Variants in GLYATL2 observed in about 807,000 individuals in gnomAD.
GLYATL2 encodes glycine-N-acyltransferase like 2.
GLYATL2 carries 25 observed loss-of-function variants against 21.4 expected under a neutral mutation model. The observed-to-expected ratio is 1.17, with a 90% CI of 0.85 to 1.63. The LOEUF (loss-of-function observed/expected upper bound fraction) is 1.63, where lower values mean the gene tolerates loss of function less well. GLYATL2 is among the 40% of genes most tolerant of loss of function. The pLI, the probability that GLYATL2 is intolerant of heterozygous loss-of-function variation, is 0.00. For synonymous variants in GLYATL2, 114 were observed against 118.2 expected (o/e 0.96, Z 0.23); for missense variants, 361 against 343.3 (o/e 1.05, Z -0.41).
intron 1 of GLYATL2, 88 bp downstream of exon 1, chr11:58,844,346 A>G (rs1853605025): frequency 6.6e-6 from 1 of 152,228 alleles, no homozygotes; most frequent in Admixed American, 6.5e-5. Context: ...GAAAAGAAAT[A>G]AATTAACAAA....
At chr11:58,868,886 A>G (rs1854066240) in intron 1 of GLYATL2, among the ~76,000 whole-genome samples, 1 of 149,114 alleles carries the variant, frequency 6.7e-6, no homozygotes, top group African/African-American at 2.4e-5. Context: ...GGAAATTTTT[A>G]AAGGATTTTC....
chr11:58,886,556 C>G (rs1462303964), intron 1 of GLYATL2, among the ~76,000 whole-genome samples: 1 of 152,088 alleles, frequency 6.6e-6, no homozygotes, highest in African/African-American at 2.4e-5. Context: ...GAGGATTACA[C>G]AAGGTTTAAA....
At chr11:58,869,239 A>T (rs1044567985) in intron 1 of GLYATL2, among the ~76,000 whole-genome samples, 1 of 152,120 alleles carries the variant, frequency 6.6e-6, no homozygotes, top group Non-Finnish European at 1.5e-5. Context: ...TGATAAACCG[A>T]TATTCTTTTA....
At chr11:58,850,835 C>G (rs1590722413) in intron 1 of GLYATL2, among the ~76,000 whole-genome samples, 1 of 152,162 alleles carries the variant, frequency 6.6e-6, no homozygotes, top group Admixed American at 6.5e-5. Flanking sequence ...CCACAGTTAT[C>G]TGGAGGCCTA....
At chr11:58,875,865 G>T in intron 1 of GLYATL2, among the ~76,000 whole-genome samples, 1 of 152,160 alleles carries the variant, frequency 6.6e-6, no homozygotes, top group Non-Finnish European at 1.5e-5. Context: ...AGTTCTCCTG[G>T]ATAATATCCT....
At chr11:58,897,861 G>A (rs1015447805) in intron 1 of GLYATL2, among the ~76,000 whole-genome samples, 7 of 152,154 alleles carry the variant, frequency 4.6e-5, no homozygotes, top group Non-Finnish European at 7.4e-5. Context: ...TTCTTGTATA[G>A]CCATAGATTA....
chr11:58,847,541 A>G (rs950691962), upstream of GLYATL2, among the ~76,000 whole-genome samples: 1 of 152,140 alleles, frequency 6.6e-6, no homozygotes, highest in African/African-American at 2.4e-5. Context: ...CCTTAAGAGA[A>G]CACTGGTTGG....
At chr11:58,888,754 T>C (rs916804613) in intron 1 of GLYATL2, among the ~76,000 whole-genome samples, 4 of 151,994 alleles carry the variant, frequency 2.6e-5, no homozygotes, top group Non-Finnish European at 5.9e-5. Context: ...ATGCAATATA[T>C]GTACATTATG....
chr11:58,871,172 T>G (rs76297697), intron 1 of GLYATL2, among the ~76,000 whole-genome samples: 36 of 152,298 alleles, frequency 2.4e-4, no homozygotes, highest in African/African-American at 8.7e-4. Context: ...TCAACAGATG[T>G]CAAACAGGCC....
chr11:58,885,679 C>A (rs1243439801), intron 1 of GLYATL2: 2 of 236,688 alleles, frequency 8.4e-6, no homozygotes, highest in Non-Finnish European at 1.7e-5. Context: ...GTACTTGGCA[C>A]CTTGCATGAG....
chr11:58,866,377 C>G (rs574148681), intron 1 of GLYATL2, among the ~76,000 whole-genome samples: 17 of 148,986 alleles, frequency 1.1e-4, no homozygotes, highest in Non-Finnish European at 2.4e-4. Context: ...CTTTCTTTTG[C>G]TACAGAAAGA....
At chr11:58,865,083 C>G (rs573630237) in intron 1 of GLYATL2, among the ~76,000 whole-genome samples, 2 of 148,438 alleles carry the variant, frequency 1.3e-5, no homozygotes, top group African/African-American at 4.9e-5. Context: ...CTATCTTCAT[C>G]AAGGTTTACA....
intron 1 of GLYATL2, among the ~76,000 whole-genome samples, chr11:58,872,688 C>G (rs997451904): frequency 6.6e-6 from 1 of 152,184 alleles, no homozygotes; most frequent in Non-Finnish European, 1.5e-5. Flanking sequence ...GTTACTGTAG[C>G]CTTGTAGTAT....
chr11:58,845,806 A>G (rs1273345657), upstream of GLYATL2, among the ~76,000 whole-genome samples: 1 of 152,208 alleles, frequency 6.6e-6, no homozygotes, highest in African/African-American at 2.4e-5. Flanking sequence ...TTTTAATGAC[A>G]CTATGATTCC....
intron 1 of GLYATL2, among the ~76,000 whole-genome samples, chr11:58,895,982 A>T (rs1248626803): frequency 2.0e-5 from 3 of 151,838 alleles, no homozygotes; most frequent in Admixed American, 1.3e-4. Flanking sequence ...CCTCCTGAGT[A>T]GCTGGGATTA....
At chr11:58,881,733 C>T (rs189731670) in intron 1 of GLYATL2, among the ~76,000 whole-genome samples, 54 of 152,256 alleles carry the variant, frequency 3.5e-4, no homozygotes, top group Admixed American at 1.3e-3. Context: ...GCCATCCCTC[C>T]GCCCTCCCTC....
At chr11:58,875,047 C>T (rs945691623) in intron 1 of GLYATL2, among the ~76,000 whole-genome samples, 11 of 152,152 alleles carry the variant, frequency 7.2e-5, no homozygotes, top group Admixed American at 2.0e-4. Context: ...TATGTAATGG[C>T]CTTCTTTGTC....
At chr11:58,843,514 G>A (rs1853589649) in intron 1 of GLYATL2, among the ~76,000 whole-genome samples, 1 of 152,098 alleles carries the variant, frequency 6.6e-6, no homozygotes, top group South Asian at 2.1e-4. Flanking sequence ...AACCAAGGTT[G>A]GTTTTTTCAG....
intron 1 of GLYATL2, chr11:58,885,393 G>T: frequency 2.7e-6 from 1 of 373,766 alleles, no homozygotes; most frequent in East Asian, 6.7e-5. Context: ...CCCATCTCTA[G>T]GGATCTCAAC....
Sources: gnomAD v4.1 joint callset for allele counts (sites outside exome capture counted in the v4.1 genomes callset) on GRCh38, gnomAD v4.1.1 for gene constraint, MANE v1.5 for transcripts, NCBI Gene and HGNC (gene_info 2026-07-23, HGNC 2026-07-21) for gene names.